Variants in SUSD6 observed in about 807,000 individuals in gnomAD.
SUSD6 encodes the protein sushi domain containing 6.
SUSD6 carries 16 observed loss-of-function variants against 28.4 expected under a neutral mutation model. The observed-to-expected ratio is 0.56, with a 90% confidence interval of 0.38 to 0.86. The LOEUF is 0.86. Among genes scored for constraint, SUSD6 ranks in the 40% least tolerant of loss-of-function variants. SUSD6 has a pLI of 0.00. For synonymous variants in SUSD6, 147 were observed against 159.6 expected (o/e 0.92, Z 0.59); for missense variants, 341 against 384.2 (o/e 0.89, Z 0.94).
chr14:69,681,122 G>T (rs1885991690), intron 2 of SUSD6, among the ~76,000 whole-genome samples: 1 of 152,200 alleles, frequency 6.6e-6, no homozygotes, highest in Non-Finnish European at 1.5e-5. Flanking sequence ...CTTTCCTTCA[G>T]GGAGGGAATG....
chr14:69,648,455 CTTAT>C (rs1309534922), intron 1 of SUSD6, among the ~76,000 whole-genome samples: 5 of 152,130 alleles, frequency 3.3e-5, no homozygotes, highest in African/African-American at 1.2e-4. Flanking sequence ...TCATTTTTGT[CTTAT>C]TTCTCACTAT....
chr14:69,685,182 G>T (rs543238397), intron 2 of SUSD6, among the ~76,000 whole-genome samples: 1 of 152,220 alleles, frequency 6.6e-6, no homozygotes, highest in African/African-American at 2.4e-5. Flanking sequence ...TTGTCCTTTT[G>T]TGGTGGGTGA....
At chr14:69,667,019 G>A (rs1036113256) in intron 2 of SUSD6, among the ~76,000 whole-genome samples, 5 of 152,170 alleles carry the variant, frequency 3.3e-5, no homozygotes, top group Admixed American at 6.5e-5. Context: ...GTAGACACAT[G>A]TCTCCTTGGG....
In SUSD6 at chr14:69,712,567, T is replaced by C. The variant is rs1477629305; in HGVS notation, c.*1588T>C. On this transcript the variant is annotated 3_prime_UTR_variant, in exon 6 of 6. Coordinates refer to ENST00000342745, the MANE Select transcript of SUSD6 (RefSeq NM_014734.4). Reference sequence around the variant, plus strand: ...CCTGAGCCTGTCTGCTTGGGGGTGGTAAAAATAAAAATCCCAGTTTATTTT... The same window carrying C: ...CCTGAGCCTGTCTGCTTGGGGGTGGCAAAAATAAAAATCCCAGTTTATTTT... The C allele has an allele frequency of 6.6e-6, 1 of 152,146 alleles. No homozygotes were observed. Among genetic ancestry groups the C allele is most frequent in the Non-Finnish European group, 1.5e-5 (1 of 68,032 alleles). The allele number at this position is 152,146 out of a possible 1,614,324, so 9.4% of individuals were successfully genotyped here.
intron 2 of SUSD6, among the ~76,000 whole-genome samples, chr14:69,689,527 A>G (rs183476491): frequency 3.9e-5 from 6 of 152,344 alleles, no homozygotes; most frequent in African/African-American, 1.4e-4. Flanking sequence ...TCAAGGGCAC[A>G]CCATGTGTAT....
intron 4 of SUSD6, among the ~76,000 whole-genome samples, chr14:69,708,077 A>T (rs1261719417): frequency 6.6e-6 from 1 of 152,236 alleles, no homozygotes; most frequent in East Asian, 1.9e-4. Flanking sequence ...TAAAAAGTTT[A>T]CAAACTTTTA....
rs377423271 is a variant in SUSD6 at position 69,654,262 on chromosome 14, C to T, written c.-80-4251C>T. Reference sequence around the variant, plus strand: ...CCACAGTATTCATGATTTTGGCAGACCTTTGCTACCTGCCTGTCAGATGCC... The same window carrying T: ...CCACAGTATTCATGATTTTGGCAGATCTTTGCTACCTGCCTGTCAGATGCC... On this transcript the variant is annotated intron_variant, in intron 1 of 5. Coordinates refer to ENST00000342745, the MANE Select transcript of SUSD6 (RefSeq NM_014734.4). 2.0e-5 allele frequency among the ~76,000 whole-genome samples: 3 copies of T among 152,226 alleles called. No individual in the cohort carries two copies. The South Asian group carries it at 6.2e-4, about 31-fold the overall frequency.
chr14:69,623,427 C>T (rs1256981384), intron 1 of SUSD6, among the ~76,000 whole-genome samples: 1 of 152,126 alleles, frequency 6.6e-6, no homozygotes, highest in African/African-American at 2.4e-5. Context: ...TACAGCATGG[C>T]CAGTTGTATT....
intron 1 of SUSD6, among the ~76,000 whole-genome samples, chr14:69,632,662 A>T (rs938331554): frequency 6.6e-6 from 1 of 151,662 alleles, no homozygotes; most frequent in Non-Finnish European, 1.5e-5. Context: ...TAAAAAAAAA[A>T]AACAAAACAC....
At chr14:69,691,025 C>T (rs1357798799) in intron 2 of SUSD6, among the ~76,000 whole-genome samples, 1 of 152,294 alleles carries the variant, frequency 6.6e-6, no homozygotes, top group East Asian at 1.9e-4. Flanking sequence ...TAGACCCAGT[C>T]ACATCTCTTT....
At chr14:69,637,040 T>G (rs1423881980) in intron 1 of SUSD6, among the ~76,000 whole-genome samples, 4 of 152,030 alleles carry the variant, frequency 2.6e-5, no homozygotes, top group African/African-American at 9.7e-5. Flanking sequence ...AACCCGGGAG[T>G]CTGCCCCTGG....
chr14:69,635,595 C>CCACACACACACACACACACACA (rs3048696), intron 1 of SUSD6, among the ~76,000 whole-genome samples: 8 of 143,514 alleles, frequency 5.6e-5, no homozygotes, highest in Non-Finnish European at 1.2e-4. Context: ...CCAAGGCACA[C>CCACACACACACACACACACACA]CACACACACA....
intron 2 of SUSD6, among the ~76,000 whole-genome samples, chr14:69,676,643 C>A (rs1453369792): frequency 6.6e-6 from 1 of 152,182 alleles, no homozygotes; most frequent in Non-Finnish European, 1.5e-5. Context: ...AGTCCTCATG[C>A]CTTGGCCTCC....
chr14:69,714,597 G>A lies in SUSD6; in HGVS notation c.*3618G>A, dbSNP rs188041146. 1 of 152,374 alleles carries A rather than the reference G, an allele frequency of 6.6e-6. No homozygotes were observed. The highest frequency in any genetic ancestry group is 6.5e-5 in the Admixed American group (1 of 15,294). The allele number at this position is 152,374 out of a possible 1,614,324, so 9.4% of individuals were successfully genotyped here. A position where few individuals can be genotyped will look rare whatever the true frequency, so the allele number is the denominator to read the frequency against. ...TTACTGGTGCCCCAAGGTGGGACTTGGAGAATATTTTGCTTGGCATATGTT... is the reference window on the plus strand; with the variant it reads ...TTACTGGTGCCCCAAGGTGGGACTTAGAGAATATTTTGCTTGGCATATGTT... On this transcript the variant is annotated 3_prime_UTR_variant, in exon 6 of 6. Coordinates refer to ENST00000342745, the MANE Select transcript of SUSD6 (RefSeq NM_014734.4).
intron 2 of SUSD6, among the ~76,000 whole-genome samples, chr14:69,665,128 A>G (rs75094988): frequency 0.012 from 1,814 of 152,258 alleles, 43 homozygotes; most frequent in African/African-American, 0.042. Flanking sequence ...CCATGGTGCA[A>G]TGTGAATGAG....
In SUSD6 at chr14:69,650,068, T is replaced by G. The variant is rs545956357; in HGVS notation, c.-80-8445T>G. Among the ~76,000 whole-genome samples, 3 of 152,346 alleles carry G rather than the reference T, an allele frequency of 2.0e-5. No homozygotes were observed. The East Asian group carries it at 5.8e-4, about 29-fold the overall frequency. On this transcript the variant is annotated intron_variant, in intron 1 of 5. Transcript: ENST00000342745. ...GGAGGGGAGGTAGTGCTAAGTGCTT[T>G]AAAAAATTTTTAGAATTTGATGGGA...
At chr14:69,659,798 C>G (rs749400049) in intron 2 of SUSD6, among the ~76,000 whole-genome samples, 1 of 152,200 alleles carries the variant, frequency 6.6e-6, no homozygotes, top group African/African-American at 2.4e-5. Context: ...GGATTACAGG[C>G]GTCAGCCACG....
At position 69,714,759 on chromosome 14, in the gene SUSD6, C is replaced by T. The variant is rs1387629304; in HGVS notation, c.*3780C>T. The T allele has an allele frequency of 6.6e-6, 1 of 152,176 alleles. No homozygotes were observed. The highest frequency in any genetic ancestry group is 2.4e-5 in the African/African-American group (1 of 41,442). The allele number at this position is 152,176 out of a possible 1,614,324, so 9.4% of individuals were successfully genotyped here. A position where few individuals can be genotyped will look rare whatever the true frequency, so the allele number is the denominator to read the frequency against. On this transcript the variant is annotated 3_prime_UTR_variant, in exon 6 of 6. Transcript: ENST00000342745. ...AAAACCTCAAGGTTGAGCCCCTCTG[C>T]CAAGCAGCAGAGCTAGTAGAAGGGG...
chr14:69,657,983 C>T (rs1040104005), intron 1 of SUSD6, among the ~76,000 whole-genome samples: 4 of 152,336 alleles, frequency 2.6e-5, no homozygotes, highest in Non-Finnish European at 4.4e-5. Flanking sequence ...ATGAGATTCA[C>T]GGCTGTCGAG....
Sources: allele counts gnomAD v4.1 joint callset (sites outside exome capture counted in the v4.1 genomes callset), GRCh38; gene constraint gnomAD v4.1.1; transcripts MANE v1.5; gene names NCBI Gene and HGNC (gene_info 2026-07-23, HGNC 2026-07-21).